SMARCC1: variants seen among roughly 807,000 people sequenced by gnomAD.
SMARCC1 encodes SWI/SNF complex subunit SMARCC1.
SMARCC1 carries 43 observed loss-of-function variants against 147.4 expected under a neutral mutation model. The ratio of observed to expected loss-of-function variants is 0.29; its 90% CI spans 0.23 to 0.38. The LOEUF (loss-of-function observed/expected upper bound fraction) is 0.38, where lower values mean the gene tolerates loss of function less well. SMARCC1 is among the 10% of genes least tolerant of loss of function. The probability of loss-of-function intolerance (pLI) is 1.00; values close to 1 mark genes in which losing one functional copy is unlikely to be tolerated. For missense variants in SMARCC1, 1,119 were observed against 1,381.1 expected (o/e 0.81, Z 3.01); for synonymous variants, 495 against 484.4 (o/e 1.02, Z -0.29).
At chr3:47,719,150 G>C (rs191563217) in intron 7 of SMARCC1, among the ~76,000 whole-genome samples, 2 of 151,858 alleles carry the variant, frequency 1.3e-5, no homozygotes, top group African/African-American at 4.8e-5. Flanking sequence ...TCCTGACCTC[G>C]TGATCCGCCC....
chr3:47,615,412 G>C (rs899068781), intron 25 of SMARCC1, among the ~76,000 whole-genome samples: 14 of 152,122 alleles, frequency 9.2e-5, no homozygotes, highest in Non-Finnish European at 2.1e-4. Flanking sequence ...AGTCTCCTAA[G>C]CAATCATTCT....
At chr3:47,629,849 ATGAC>A (rs2032863342) in intron 24 of SMARCC1, among the ~76,000 whole-genome samples, 1 of 152,032 alleles carries the variant, frequency 6.6e-6, no homozygotes, top group South Asian at 2.1e-4. Flanking sequence ...AGATAATAAA[ATGAC>A]TGAGGTTTTA....
intron 6 of SMARCC1, among the ~76,000 whole-genome samples, chr3:47,721,925 C>A (rs2034237269): frequency 6.6e-6 from 1 of 152,118 alleles, no homozygotes; most frequent in South Asian, 2.1e-4. Flanking sequence ...GAGGCTAGGG[C>A]AGGAAGATCA....
chr3:47,672,458 G>GGCCTCC (rs2033513773), intron 18 of SMARCC1, among the ~76,000 whole-genome samples: 1 of 151,958 alleles, frequency 6.6e-6, no homozygotes, highest in Non-Finnish European at 1.5e-5. Flanking sequence ...CGCATGCCTC[G>GGCCTCC]GCCTCCCAAA....
intron 18 of SMARCC1, among the ~76,000 whole-genome samples, chr3:47,672,590 G>A (rs1260675231): frequency 6.6e-6 from 1 of 152,110 alleles, no homozygotes; most frequent in Admixed American, 6.5e-5. Flanking sequence ...GGAGCCCCAA[G>A]AAGAACAAAA....
intron 1 of SMARCC1, among the ~76,000 whole-genome samples, chr3:47,779,642 C>T (rs143903995): frequency 7.2e-5 from 11 of 152,296 alleles, no homozygotes; most frequent in African/African-American, 2.6e-4. Flanking sequence ...TGCTTTGTAG[C>T]CACTTCCCTA....
intron 22 of SMARCC1, 133 bp downstream of exon 22, chr3:47,638,592 T>G (rs2033005203): frequency 1.4e-6 from 1 of 700,468 alleles, no homozygotes; most frequent in Non-Finnish European, 2.6e-6. Context: ...GAACTATACC[T>G]TAAACCAGCA....
In SMARCC1 at chr3:47,597,553, C is replaced by A. The variant is rs1240086057; in HGVS notation, c.3044-6716G>T. Among the ~76,000 whole-genome samples the A allele has an allele frequency of 2.6e-5, 4 of 152,116 alleles. No homozygotes were observed. The East Asian group carries it at 7.7e-4, about 29-fold the overall frequency. ...ATGTTAGCCAGGATGGTCTCGATTT[C>A]CTGACCTCATGATCCGCCTGCCTCG... On this transcript the variant is annotated intron_variant, in intron 26 of 27. Transcript: ENST00000254480.
chr3:47,706,441 T>C lies in SMARCC1; in HGVS notation c.1008A>G (p.Pro336=), dbSNP rs764291202. The C allele has an allele frequency of 2.5e-6, 4 of 1,579,840 alleles. No homozygotes were observed. Among genetic ancestry groups the C allele is most frequent in the Non-Finnish European group, 3.4e-6 (4 of 1,167,406 alleles). ...TCCCACTCTTCTTCCGTGATTCTGT[T>C]GGTGTCGGAGGGGGAGGCGAAGGCG... ...KHSPSPPPPT[P]TESRKKSGKK... The change falls in exon 10 of 28, where the codon CCA becomes CCG. Residue 336 remains proline, a synonymous_variant. Transcript: ENST00000254480.
intron 5 of SMARCC1, among the ~76,000 whole-genome samples, chr3:47,734,660 G>A (rs2034418506): frequency 6.6e-6 from 1 of 152,190 alleles, no homozygotes; most frequent in South Asian, 2.1e-4. Context: ...AAACTTACAT[G>A]TAGTAAATAC....
intron 24 of SMARCC1, among the ~76,000 whole-genome samples, chr3:47,630,550 T>C (rs951873426): frequency 1.3e-5 from 2 of 152,194 alleles, no homozygotes; most frequent in Middle Eastern, 3.4e-3. Flanking sequence ...TTCCAACGAG[T>C]AGAACAGAAG....
At chr3:47,756,368 T>G (rs2034697707) in intron 2 of SMARCC1, among the ~76,000 whole-genome samples, 1 of 151,504 alleles carries the variant, frequency 6.6e-6, no homozygotes, top group African/African-American at 2.4e-5. Context: ...ACCCCGTCTC[T>G]ACTAAAAATA....
At chr3:47,739,731 T>C (rs929139632) in intron 3 of SMARCC1, among the ~76,000 whole-genome samples, 7 of 152,128 alleles carry the variant, frequency 4.6e-5, no homozygotes, top group African/African-American at 1.7e-4. Flanking sequence ...GCTATTTTAT[T>C]CTGGAGATGT....
chr3:47,663,055 G>A (rs191761508), intron 19 of SMARCC1, among the ~76,000 whole-genome samples: 38 of 143,810 alleles, frequency 2.6e-4, no homozygotes, highest in African/African-American at 8.0e-4. Flanking sequence ...CAGCCTAGGC[G>A]GCAAGAGTGA....
chr3:47,706,364 G>A (rs777933897), intron 10 of SMARCC1, 45 bp downstream of exon 10: 43 of 1,458,894 alleles, frequency 2.9e-5, no homozygotes, highest in South Asian at 2.0e-4. Flanking sequence ...AAGCCACCAC[G>A]TCCGGCCTGT....
chr3:47,681,966 C>T (rs2033649676), intron 14 of SMARCC1, among the ~76,000 whole-genome samples: 1 of 152,072 alleles, frequency 6.6e-6, no homozygotes, highest in African/African-American at 2.4e-5. Context: ...GATGATCAGG[C>T]AAATGAAAAC....
intron 26 of SMARCC1, among the ~76,000 whole-genome samples, chr3:47,602,417 C>T (rs2032402326): frequency 6.6e-6 from 1 of 152,192 alleles, no homozygotes; most frequent in Non-Finnish European, 1.5e-5. Context: ...TCTGCCTCAG[C>T]CTCCCAAGTA....
intron 21 of SMARCC1, among the ~76,000 whole-genome samples, chr3:47,643,155 C>CA (rs2033071315): frequency 6.6e-6 from 1 of 152,178 alleles, no homozygotes; most frequent in African/African-American, 2.4e-5. Flanking sequence ...GTTCAATATT[C>CA]AAGAATGTTC....
chr3:47,714,091 C>T (rs751610225), intron 8 of SMARCC1, among the ~76,000 whole-genome samples: 1 of 152,210 alleles, frequency 6.6e-6, no homozygotes, highest in Admixed American at 6.5e-5. Context: ...TGGCCAGGCA[C>T]GATGGCTTAC....
Sources: allele counts gnomAD v4.1 joint callset (sites outside exome capture counted in the v4.1 genomes callset), GRCh38; gene constraint gnomAD v4.1.1; transcripts MANE v1.5; gene names NCBI Gene and HGNC (gene_info 2026-07-23, HGNC 2026-07-21).